LRRC37A2: variants seen among roughly 807,000 people sequenced by gnomAD.
LRRC37A2 encodes the protein leucine rich repeat containing 37 member A2.
In LRRC37A2, 9 loss-of-function variants were observed where a neutral mutation model predicts 68.8. That is an observed-to-expected ratio of 0.13 (90% CI 0.08 to 0.23). The LOEUF is 0.23. LRRC37A2 is among the 10% of genes least tolerant of loss of function. The pLI, the probability that LRRC37A2 is intolerant of heterozygous loss-of-function variation, is 1.00. For synonymous variants in LRRC37A2, 63 were observed against 367.6 expected, an observed-to-expected ratio of 0.17 and a Z score of 9.48; for missense variants, 168 against 950.4, an observed-to-expected ratio of 0.18 and a Z score of 10.82.
At chr17:46,725,112 A>G in the LRRC37A2 span, among the ~76,000 whole-genome samples, 1 of 152,228 alleles carries the variant, frequency 6.6e-6, no homozygotes, top group Non-Finnish European at 1.5e-5. Flanking sequence ...AAAATAGTAC[A>G]ATGAATCAAT....
At chr17:46,761,911 A>ACTGC in the LRRC37A2 span, among the ~76,000 whole-genome samples, 3 of 152,214 alleles carry the variant, frequency 2.0e-5, no homozygotes, top group Admixed American at 6.5e-5. Flanking sequence ...GAGCATGCCC[A>ACTGC]CTGGCAGGCC....
At chr17:46,857,137 A>G in the LRRC37A2 span, among the ~76,000 whole-genome samples, 1 of 152,262 alleles carries the variant, frequency 6.6e-6, no homozygotes, top group Admixed American at 6.5e-5. Flanking sequence ...GTATGGCTAT[A>G]CCACAAATTA....
At chr17:46,717,580 A>G in the LRRC37A2 span, among the ~76,000 whole-genome samples, 2 of 152,102 alleles carry the variant, frequency 1.3e-5, no homozygotes, top group African/African-American at 4.8e-5. Context: ...GCATGATGGC[A>G]TGTGCCCTGT....
the LRRC37A2 span, among the ~76,000 whole-genome samples, chr17:46,827,803 A>G: frequency 5.3e-5 from 8 of 150,772 alleles, no homozygotes; most frequent in East Asian, 1.6e-3. Flanking sequence ...TTTGAGACAG[A>G]AATTTCTTTC....
At chr17:47,002,236 G>C in the LRRC37A2 span, among the ~76,000 whole-genome samples, 1 of 152,046 alleles carries the variant, frequency 6.6e-6, no homozygotes, top group African/African-American at 2.4e-5. Context: ...TACATAGTAA[G>C]GGTATGTATT....
At chr17:46,771,936 C>G in the LRRC37A2 span, among the ~76,000 whole-genome samples, 7 of 146,872 alleles carry the variant, frequency 4.8e-5, no homozygotes, top group Non-Finnish European at 1.1e-4. Context: ...CCCGCCGCGC[C>G]GCCGCCGCGC....
the LRRC37A2 span, among the ~76,000 whole-genome samples, chr17:46,979,939 T>C: frequency 6.6e-6 from 1 of 152,176 alleles, no homozygotes; most frequent in African/African-American, 2.4e-5. Context: ...CTTTTTCTAT[T>C]TGTGCCTTTC....
chr17:46,710,123 G>A, the LRRC37A2 span, among the ~76,000 whole-genome samples: 2 of 152,234 alleles, frequency 1.3e-5, no homozygotes, highest in Middle Eastern at 3.4e-3. Flanking sequence ...GGGATGTGAT[G>A]ATCTTTAAAA....
chr17:46,749,761 C>G, the LRRC37A2 span: 3 of 1,609,662 alleles, frequency 1.9e-6, no homozygotes, highest in Non-Finnish European at 2.5e-6. Flanking sequence ...CACATTTTCT[C>G]CCTATGATCA....
chr17:46,897,053 G>T, the LRRC37A2 span, among the ~76,000 whole-genome samples: 2 of 152,076 alleles, frequency 1.3e-5, no homozygotes, highest in African/African-American at 4.8e-5. Flanking sequence ...GGAGGAGGTC[G>T]CTAGATAAAC....
the LRRC37A2 span, among the ~76,000 whole-genome samples, chr17:46,737,467 C>T: frequency 6.6e-6 from 1 of 152,056 alleles, no homozygotes; most frequent in Non-Finnish European, 1.5e-5. Flanking sequence ...GAAGAGGGTG[C>T]CTTTTAGCTC....
At chr17:46,940,958 C>T in the LRRC37A2 span, 5 of 1,238,278 alleles carry the variant, frequency 4.0e-6, no homozygotes, top group South Asian at 7.9e-5. Flanking sequence ...ACTCTCTCCA[C>T]CGCCTCAGTG....
chr17:46,906,264 C>G, the LRRC37A2 span, among the ~76,000 whole-genome samples: 2 of 152,124 alleles, frequency 1.3e-5, no homozygotes, highest in African/African-American at 2.4e-5. Flanking sequence ...TGGAGCATGG[C>G]TCCCTCACCT....
the LRRC37A2 span, among the ~76,000 whole-genome samples, chr17:46,981,709 T>C: frequency 6.6e-6 from 1 of 152,098 alleles, no homozygotes; most frequent in Non-Finnish European, 1.5e-5. Context: ...TTATTTTATT[T>C]ATTTATTTTT....
chr17:46,721,122 C>T, the LRRC37A2 span, among the ~76,000 whole-genome samples: 3 of 152,178 alleles, frequency 2.0e-5, no homozygotes, highest in Non-Finnish European at 4.4e-5. Flanking sequence ...TTCTCCTGTC[C>T]CTCAGTGCTC....
the LRRC37A2 span, chr17:46,875,180 G>A: frequency 3.1e-6 from 5 of 1,613,954 alleles, no homozygotes; most frequent in East Asian, 2.2e-5. Context: ...GCAGCGCTGG[G>A]CGCATGGAGC....
the LRRC37A2 span, among the ~76,000 whole-genome samples, chr17:46,894,286 C>T: frequency 1.6e-3 from 241 of 152,148 alleles, 2 homozygotes; most frequent in African/African-American, 4.4e-3. Flanking sequence ...AACTTCACAG[C>T]GGGCAATGTG....
chr17:46,885,969 G>GA, the LRRC37A2 span: 5 of 152,280 alleles, frequency 3.3e-5, no homozygotes, highest in African/African-American at 1.2e-4. Flanking sequence ...ATGAGGTGGG[G>GA]AATGAGCTAA....
chr17:46,821,901 C>T, the LRRC37A2 span, among the ~76,000 whole-genome samples: 6 of 152,304 alleles, frequency 3.9e-5, no homozygotes, highest in South Asian at 1.0e-3. Flanking sequence ...GGTGGCCAGG[C>T]CCCCGCCCGC....
Sources: allele counts gnomAD v4.1 joint callset (sites outside exome capture counted in the v4.1 genomes callset), GRCh38; gene constraint gnomAD v4.1.1; transcripts MANE v1.5; gene names NCBI Gene and HGNC (gene_info 2026-07-23, HGNC 2026-07-21).